The following SPAG16 variants were observed in gnomAD, a reference collection of about 807,000 sequenced individuals.
The protein encoded by SPAG16 is sperm associated antigen 16.
Under a neutral mutation model 80.4 loss-of-function variants are expected in SPAG16, and 86 were observed. The ratio of observed to expected loss-of-function variants is 1.07; its 90% CI spans 0.90 to 1.28. The LOEUF (loss-of-function observed/expected upper bound fraction) is 1.28. Ranked by LOEUF, SPAG16 falls within the 50% of genes most tolerant of loss-of-function variation. The pLI, the probability that SPAG16 is intolerant of heterozygous loss-of-function variation, is 0.00. For missense variants in SPAG16, 870 were observed against 765.3 expected (o/e 1.14, Z -1.61); for synonymous variants, 294 against 265.9 (o/e 1.11, Z -1.03).
At chr2:213,996,758 C>T (rs190873165) in intron 12 of SPAG16, among the ~76,000 whole-genome samples, 11 of 151,830 alleles carry the variant, frequency 7.2e-5, no homozygotes, top group East Asian at 1.9e-4. Flanking sequence ...TTAGTAGAGA[C>T]GGGGTTTCAC....
intron 15 of SPAG16, among the ~76,000 whole-genome samples, chr2:214,268,881 G>A (rs1411243960): frequency 6.6e-6 from 1 of 151,860 alleles, no homozygotes; most frequent in African/African-American, 2.4e-5. Flanking sequence ...TTTTCCCTAT[G>A]CTATTCGGCA....
At chr2:213,698,162 A>G (rs2065241150) in intron 10 of SPAG16, among the ~76,000 whole-genome samples, 1 of 152,168 alleles carries the variant, frequency 6.6e-6, no homozygotes, top group African/African-American at 2.4e-5. Context: ...TTAAAAAATT[A>G]CATATTTGCT....
intron 3 of SPAG16, among the ~76,000 whole-genome samples, chr2:213,303,573 C>T (rs953579874): frequency 2.0e-5 from 3 of 151,902 alleles, no homozygotes; most frequent in Non-Finnish European, 4.4e-5. Flanking sequence ...TAGACTCTGC[C>T]TTCGTGAGTT....
intron 15 of SPAG16, among the ~76,000 whole-genome samples, chr2:214,341,857 G>A (rs1382354687): frequency 1.3e-5 from 2 of 152,150 alleles, no homozygotes; most frequent in African/African-American, 4.8e-5. Context: ...GGATGGCAAT[G>A]AAGAAATCTT....
At chr2:213,866,550 T>C (rs1479032223) in intron 11 of SPAG16, among the ~76,000 whole-genome samples, 4 of 152,140 alleles carry the variant, frequency 2.6e-5, no homozygotes, top group Non-Finnish European at 5.9e-5. Flanking sequence ...TTAGGTCCCA[T>C]GTGTTGAAAT....
intron 15 of SPAG16, among the ~76,000 whole-genome samples, chr2:214,340,234 C>T (rs1389345636): frequency 1.3e-5 from 2 of 152,202 alleles, no homozygotes; most frequent in Admixed American, 6.5e-5. Flanking sequence ...CATTCTTCTG[C>T]TCCAACCTCT....
chr2:213,473,526 C>T (rs1395599018), intron 9 of SPAG16, among the ~76,000 whole-genome samples: 1 of 152,184 alleles, frequency 6.6e-6, no homozygotes, highest in Non-Finnish European at 1.5e-5. Flanking sequence ...ACTCCAGCAT[C>T]CCAATCTCCC....
chr2:213,535,317 AT>A (rs1237504237), intron 10 of SPAG16, among the ~76,000 whole-genome samples: 1 of 152,142 alleles, frequency 6.6e-6, no homozygotes, highest in Non-Finnish European at 1.5e-5. Flanking sequence ...ATATTAAAAC[AT>A]TTAAATAACT....
intron 11 of SPAG16, among the ~76,000 whole-genome samples, chr2:213,864,932 A>G (rs914772323): frequency 1.3e-5 from 2 of 152,122 alleles, no homozygotes; most frequent in African/African-American, 4.8e-5. Flanking sequence ...ATAGGTAAAA[A>G]AATAAACTGA....
chr2:213,535,267 G>A (rs1170521633), intron 10 of SPAG16, among the ~76,000 whole-genome samples: 1 of 151,964 alleles, frequency 6.6e-6, no homozygotes, highest in Non-Finnish European at 1.5e-5. Flanking sequence ...ATCTATAAAT[G>A]ATCTGGAAAT....
intron 10 of SPAG16, among the ~76,000 whole-genome samples, chr2:213,573,982 A>T (rs2060021824): frequency 6.6e-6 from 1 of 152,218 alleles, no homozygotes; most frequent in Non-Finnish European, 1.5e-5. Context: ...AAGGTCTGAG[A>T]TTATATTAAT....
intron 10 of SPAG16, among the ~76,000 whole-genome samples, chr2:213,799,377 T>C (rs1483600252): frequency 6.6e-6 from 1 of 152,142 alleles, no homozygotes; most frequent in Non-Finnish European, 1.5e-5. Context: ...GTCTGTTCAT[T>C]GCTAATGTAT....
chr2:213,492,557 A>C lies in SPAG16; in HGVS notation c.1070+2467A>C, dbSNP rs188970280. Among the ~76,000 whole-genome samples, 1,279 of 150,254 alleles carry C rather than the reference A, an allele frequency of 8.5e-3. 7 individuals are homozygous for C. Among genetic ancestry groups the C allele is most frequent in the Non-Finnish European group, 0.015 (996 of 67,422 alleles). On this transcript the variant is annotated intron_variant, in intron 10 of 15. Coordinates refer to ENST00000331683, the MANE Select transcript of SPAG16 (RefSeq NM_024532.5). The stretch of plus-strand genomic sequence containing the variant: ...AGAGCGAGACTCTGTCTCAAAAAAC[A>C]AAAAAAAACAACCAAAAGAAAACAG...
intron 10 of SPAG16, among the ~76,000 whole-genome samples, chr2:213,627,062 T>G (rs897590007): frequency 6.6e-6 from 1 of 152,176 alleles, no homozygotes; most frequent in Non-Finnish European, 1.5e-5. Flanking sequence ...AGCGAGACTA[T>G]TTTACTCAGC....
intron 10 of SPAG16, among the ~76,000 whole-genome samples, chr2:213,853,876 G>A (rs1170793376): frequency 6.6e-6 from 1 of 152,150 alleles, no homozygotes; most frequent in East Asian, 1.9e-4. Context: ...AGACCTATTT[G>A]TGGACAAAGC....
chr2:213,390,524 T>C (rs1011870120), intron 9 of SPAG16, among the ~76,000 whole-genome samples: 2 of 152,236 alleles, frequency 1.3e-5, no homozygotes, highest in Non-Finnish European at 2.9e-5. Context: ...TAAAACATTT[T>C]ATATCTTAAT....
chr2:213,881,123 G>A lies in SPAG16; in HGVS notation c.1214+18495G>A, dbSNP rs534932887. 5.9e-5 allele frequency among the ~76,000 whole-genome samples: 9 copies of A among 152,042 alleles called. No individual in the cohort carries two copies. In the South Asian group the frequency reaches 1.9e-3, roughly 32 times the overall value. On this transcript the variant is annotated intron_variant, in intron 11 of 15. Transcript: ENST00000331683. ...TGAGCATGGAATGTTACTTTGTGTT[G>A]TCTGTGATTTGTTTCAGCATTGTTT...
At chr2:213,542,722 T>C (rs2076490177) in intron 10 of SPAG16, among the ~76,000 whole-genome samples, 1 of 152,130 alleles carries the variant, frequency 6.6e-6, no homozygotes, top group South Asian at 2.1e-4. Context: ...GATGCAGCTA[T>C]GTATGTCTCT....
Position 214,149,148 on chromosome 2 carries a change from G to T in SPAG16, c.1602G>T (p.Met534Ile). The T allele has an allele frequency of 6.4e-7, 1 of 1,559,262 alleles. No homozygotes were observed. The highest frequency in any genetic ancestry group is 8.7e-7 in the Non-Finnish European group (1 of 1,152,194). ...TATCTTATATTTTGAAGGGTCACAT[G>T]ATAGCATCCTGTGATGCCTGTGGGG... ...NDAIFDPRGH[M>I]IASCDACGVT... Residue 534 changes from methionine to isoleucine, a missense_variant, in exon 15 of 16, where the codon ATG becomes ATT. Transcript: ENST00000331683.
Sources: allele counts gnomAD v4.1 joint callset (sites outside exome capture counted in the v4.1 genomes callset), GRCh38; gene constraint gnomAD v4.1.1; transcripts MANE v1.5; gene names NCBI Gene and HGNC (gene_info 2026-07-23, HGNC 2026-07-21).